The following ERC2 variants were observed in gnomAD, a reference collection of about 807,000 sequenced individuals.
ERC2 encodes ERC protein 2.
Under a neutral mutation model 114.8 loss-of-function variants are expected in ERC2, and 42 were observed. That is an observed-to-expected ratio of 0.37 (90% confidence interval 0.29 to 0.47). The LOEUF (loss-of-function observed/expected upper bound fraction) is 0.47, where lower values mean the gene tolerates loss of function less well. Ranked by LOEUF, ERC2 falls within the 20% of genes least tolerant of loss-of-function variation. The pLI is 0.99. For missense variants in ERC2, 939 were observed against 1,150.7 expected, an observed-to-expected ratio of 0.82 and a Z score of 2.66; for synonymous variants, 454 against 425.5, an observed-to-expected ratio of 1.07 and a Z score of -0.82.
chr3:55,910,883 G>C (rs977815003), intron 13 of ERC2, among the ~76,000 whole-genome samples: 26 of 152,162 alleles, frequency 1.7e-4, no homozygotes, highest in African/African-American at 6.3e-4. Context: ...AAGGATTAAA[G>C]GTAAAAATGT....
chr3:55,669,942 A>C (rs1448792105), intron 17 of ERC2, among the ~76,000 whole-genome samples: 1 of 152,218 alleles, frequency 6.6e-6, no homozygotes, highest in Non-Finnish European at 1.5e-5. Flanking sequence ...AGAGATATTG[A>C]CGTGGCAAGC....
intron 13 of ERC2, among the ~76,000 whole-genome samples, chr3:55,921,851 A>T (rs2065449186): frequency 6.6e-6 from 1 of 152,164 alleles, no homozygotes; most frequent in South Asian, 2.1e-4. Flanking sequence ...TTGGTTAATC[A>T]ATTCTTTCAG....
intron 17 of ERC2, among the ~76,000 whole-genome samples, chr3:55,641,919 A>G (rs1043223073): frequency 6.6e-6 from 1 of 152,196 alleles, no homozygotes; most frequent in Admixed American, 6.5e-5. Context: ...CACAAGGAAG[A>G]TTACAAAGAC....
chr3:56,435,765 T>G (rs2107381122), intron 1 of ERC2, among the ~76,000 whole-genome samples: 1 of 152,340 alleles, frequency 6.6e-6, no homozygotes, highest in South Asian at 2.1e-4. Flanking sequence ...TCAAACCTAC[T>G]GGCTATCCTG....
chr3:55,813,267 G>A (rs1475742556), intron 14 of ERC2, among the ~76,000 whole-genome samples: 1 of 152,066 alleles, frequency 6.6e-6, no homozygotes, highest in Admixed American at 6.6e-5. Context: ...TAGCCACACT[G>A]GGCTATTTAA....
intron 3 of ERC2, among the ~76,000 whole-genome samples, chr3:56,195,764 C>G (rs1251207836): frequency 6.6e-6 from 1 of 151,926 alleles, no homozygotes; most frequent in Non-Finnish European, 1.5e-5. Flanking sequence ...GGGGTCAAGG[C>G]TTCAGTGAGC....
intron 17 of ERC2, among the ~76,000 whole-genome samples, chr3:55,539,614 A>T (rs1044909060): frequency 6.7e-6 from 1 of 150,210 alleles, no homozygotes; most frequent in Non-Finnish European, 1.5e-5. Context: ...ATTTTAGTAG[A>T]GACAGGGTTT....
intron 17 of ERC2, among the ~76,000 whole-genome samples, chr3:55,628,634 T>G (rs953528464): frequency 1.3e-4 from 20 of 152,190 alleles, no homozygotes; most frequent in Non-Finnish European, 2.6e-4. Flanking sequence ...CCCAAATCCC[T>G]TCTTCCTTGG....
chr3:55,864,621 C>G (rs935382969), intron 14 of ERC2, among the ~76,000 whole-genome samples: 1 of 152,128 alleles, frequency 6.6e-6, no homozygotes, highest in African/African-American at 2.4e-5. Flanking sequence ...AAAAGCAAGG[C>G]ACTGGCCAAT....
At chr3:55,513,994 T>A (rs6805053) in intron 17 of ERC2, among the ~76,000 whole-genome samples, 4,757 of 152,200 alleles carry the variant, frequency 0.031, 125 homozygotes, top group Middle Eastern at 0.058. Context: ...TTATCCAAGA[T>A]TCCCTATCCG....
rs180829187 is a variant in ERC2 at position 55,886,728 on chromosome 3, A to C, written c.2564+1661T>G. 6.6e-5 allele frequency among the ~76,000 whole-genome samples: 10 copies of C among 152,362 alleles called. No homozygotes were observed. The East Asian group carries it at 1.9e-3, about 29-fold the overall frequency. ...CACATATTCCACAACTAATTACATA[A>C]GTTAATCTTTTAAACAACAGTAAAT... On this transcript the variant is annotated intron_variant, in intron 14 of 17. Coordinates refer to ENST00000288221, the MANE Select transcript of ERC2 (RefSeq NM_015576.3).
At chr3:55,516,261 CAAAA>C (rs1364808289) in intron 17 of ERC2, among the ~76,000 whole-genome samples, 2 of 145,164 alleles carry the variant, frequency 1.4e-5, no homozygotes, top group African/African-American at 5.0e-5. Context: ...AAAAAACAAA[CAAAA>C]AACCAAAACT....
At chr3:55,822,462 G>T (rs1347417689) in intron 14 of ERC2, among the ~76,000 whole-genome samples, 1 of 151,940 alleles carries the variant, frequency 6.6e-6, no homozygotes, top group Non-Finnish European at 1.5e-5. Context: ...GTAGGGACTC[G>T]GTGACCCACT....
At chr3:56,146,802 T>C (rs1451289950) in intron 5 of ERC2, among the ~76,000 whole-genome samples, 2 of 151,942 alleles carry the variant, frequency 1.3e-5, no homozygotes, top group Admixed American at 6.5e-5. Flanking sequence ...TCTGCTTTCA[T>C]CTTCAGCCTG....
chr3:56,322,029 G>A lies in ERC2; in HGVS notation c.658-25594C>T, dbSNP rs1422942004. Among the ~76,000 whole-genome samples, 3 of 152,144 alleles carry A rather than the reference G, an allele frequency of 2.0e-5. No individual in the cohort carries two copies. In the East Asian group the frequency reaches 5.8e-4, roughly 29 times the overall value. On this transcript the variant is annotated intron_variant, in intron 2 of 17. Transcript: ENST00000288221. ...AAGGACTAATTCAGAGCGCAGGCCT[G>A]GAATCACACAAGCATGGAAATCATA...
intron 13 of ERC2, among the ~76,000 whole-genome samples, chr3:55,889,902 A>G (rs998636646): frequency 2.6e-5 from 4 of 152,236 alleles, no homozygotes; most frequent in African/African-American, 9.6e-5. Flanking sequence ...TAAGCATTAT[A>G]GTTCACATCC....
chr3:55,796,333 C>T (rs1421421341), intron 14 of ERC2, among the ~76,000 whole-genome samples: 3 of 152,194 alleles, frequency 2.0e-5, no homozygotes, highest in Non-Finnish European at 4.4e-5. Context: ...AGCTCATCAG[C>T]GATCCAAGAC....
rs757422410 is a variant in ERC2 at position 55,926,635 on chromosome 3, C to T, written c.2403+23790G>A. ...GGTCTGTCACTAGCAAACTGCATTC[C>T]GTGGAATAAGGCATCCTCCTTTATC... On this transcript the variant is annotated intron_variant, in intron 13 of 17. Transcript: ENST00000288221. Among the ~76,000 whole-genome samples, 5 of 152,202 alleles carry T rather than the reference C, an allele frequency of 3.3e-5. No individual in the cohort carries two copies. The East Asian group carries it at 5.8e-4, about 18-fold the overall frequency.
intron 12 of ERC2, among the ~76,000 whole-genome samples, chr3:55,974,726 AAGGCCCACTCACC>A (rs1441626820): frequency 6.6e-6 from 1 of 152,110 alleles, no homozygotes; most frequent in East Asian, 1.9e-4. Flanking sequence ...TGCCTCCATG[AAGGCCCACTCACC>A]AGGCCCACTC....
Sources: allele counts gnomAD v4.1 joint callset (sites outside exome capture counted in the v4.1 genomes callset), GRCh38; gene constraint gnomAD v4.1.1; transcripts MANE v1.5; gene names NCBI Gene and HGNC (gene_info 2026-07-23, HGNC 2026-07-21).